The following AP4S1 variants were observed in gnomAD, a reference collection of about 807,000 sequenced individuals.
AP4S1 encodes the protein AP-4 complex subunit sigma-1.
Under a neutral mutation model 19.8 loss-of-function variants are expected in AP4S1, and 23 were observed. That is an observed-to-expected ratio of 1.16 (90% CI 0.84 to 1.65). The LOEUF (loss-of-function observed/expected upper bound fraction) is 1.65, where lower values mean the gene tolerates loss of function less well. Among genes scored for constraint, AP4S1 ranks in the 40% most tolerant of loss-of-function variants. The pLI is 0.00. For synonymous variants in AP4S1, 46 were observed against 54.1 expected, an observed-to-expected ratio of 0.85 and a Z score of 0.66; for missense variants, 166 against 172.8, an observed-to-expected ratio of 0.96 and a Z score of 0.22.
chr14:31,041,768 G>A (rs879298019), intron 1 of AP4S1, among the ~76,000 whole-genome samples: 88 of 152,302 alleles, frequency 5.8e-4, no homozygotes, highest in African/African-American at 1.9e-3. Context: ...TCCCCTTGCA[G>A]GGCTTTTTCT....
At position 31,080,641 on chromosome 14, in the gene AP4S1, T is replaced by C. The variant is rs771062557; in HGVS notation, c.306+57T>C. 13 of 1,611,504 alleles carry C rather than the reference T, an allele frequency of 8.1e-6. No individual in the cohort carries two copies. The Admixed American group carries it at 1.7e-4, about 21-fold the overall frequency. Reference sequence around the variant, plus strand: ...CTTGGCAAATGCACTCTGGTCCTTATCAGGTAAGTACCACAAGGCAGGAAA... The same window carrying C: ...CTTGGCAAATGCACTCTGGTCCTTACCAGGTAAGTACCACAAGGCAGGAAA... On this transcript the variant is annotated intron_variant, in intron 5 of 5. Transcript: ENST00000542754.
chr14:31,025,763 G>T lies in AP4S1; in HGVS notation c.-96G>T. The T allele has an allele frequency of 8.6e-7, 1 of 1,159,936 alleles. No homozygotes were observed. Among genetic ancestry groups the T allele is most frequent in the Non-Finnish European group, 1.2e-6 (1 of 845,408 alleles). 71.9% of individuals were successfully genotyped at this position (1,159,936 alleles called of 1,614,324 possible). ...GGACTCCAGGAAAAGCCGTTGAGAG[G>T]ACCATCACAACCTGAGCAGCACAGG... On this transcript the variant is annotated 5_prime_UTR_variant, in exon 1 of 6. Transcript: ENST00000542754.
chr14:31,053,716 T>G (rs1260191381), intron 1 of AP4S1, among the ~76,000 whole-genome samples: 1 of 146,222 alleles, frequency 6.8e-6, no homozygotes, highest in Non-Finnish European at 1.5e-5. Context: ...ATTGAAGACA[T>G]GAGCTACCAT....
chr14:31,066,939 A>G (rs1332753678), intron 2 of AP4S1, among the ~76,000 whole-genome samples: 1 of 152,258 alleles, frequency 6.6e-6, no homozygotes, highest in East Asian at 1.9e-4. Flanking sequence ...TCCATCTTCC[A>G]AAATGGAGGT....
intron 1 of AP4S1, among the ~76,000 whole-genome samples, chr14:31,062,738 T>C (rs1223211076): frequency 1.4e-5 from 2 of 147,634 alleles, no homozygotes; most frequent in African/African-American, 5.0e-5. Flanking sequence ...GAGGCCAAGG[T>C]AGGCGGATCA....
In AP4S1 at chr14:31,069,933, A is replaced by C. The variant is rs1594686802; in HGVS notation, c.225+4A>C. The C allele has an allele frequency of 6.3e-6, 10 of 1,596,720 alleles. No homozygotes were observed. Among genetic ancestry groups the C allele is most frequent in the Non-Finnish European group, 8.6e-6 (10 of 1,164,160 alleles). On this transcript the variant is annotated splice_donor_region_variant and intron_variant, in intron 3 of 5. Transcript: ENST00000542754. ...GGTTGGAGTTAATGACACTGAGGTA[A>C]GATAATAGAAGAGCCCTTGGAAAAT...
intron 1 of AP4S1, among the ~76,000 whole-genome samples, chr14:31,060,829 A>G (rs75790144): frequency 0.01 from 1,523 of 152,280 alleles, 31 homozygotes; most frequent in African/African-American, 0.034. Context: ...TGACACATGA[A>G]TAAAGGACAT....
intron 4 of AP4S1, among the ~76,000 whole-genome samples, chr14:31,075,766 T>C (rs1459819592): frequency 7.0e-6 from 1 of 143,202 alleles, no homozygotes; most frequent in African/African-American, 2.6e-5. Flanking sequence ...TGAGACGGAG[T>C]GTCGCTGTTG....
At chr14:31,032,760 T>C (rs141324593) in intron 1 of AP4S1, among the ~76,000 whole-genome samples, 2,433 of 152,140 alleles carry the variant, frequency 0.016, 58 homozygotes, top group African/African-American at 0.053. Context: ...GGTCTTGAAC[T>C]CCTGACCTCA....
At position 31,066,124 on chromosome 14, in the gene AP4S1, A is replaced by G. The variant is rs905613754; in HGVS notation, c.-71-2A>G. 1.0e-5 allele frequency: 15 copies of G among 1,465,316 alleles called. No individual in the cohort carries two copies. The highest frequency in any genetic ancestry group is 2.8e-5 in the African/African-American group (2 of 71,390). 90.8% of individuals were successfully genotyped at this position (1,465,316 alleles called of 1,614,324 possible). ...CTGGTTTTGTTTGTTTTTGTCTTCA[A>G]GGTTCCAGTTACAGCCATCCCTTGT... On this transcript the variant is annotated splice_acceptor_variant, in intron 1 of 5. Coordinates refer to ENST00000542754, the MANE Select transcript of AP4S1 (RefSeq NM_001128126.3). LOFTEE classifies it low-confidence loss of function (5UTR_SPLICE).
At chr14:31,034,857 C>G (rs1394772247) in intron 1 of AP4S1, among the ~76,000 whole-genome samples, 1 of 151,556 alleles carries the variant, frequency 6.6e-6, no homozygotes, top group Non-Finnish European at 1.5e-5. Context: ...AAACTCCCGA[C>G]CTCAGGTGAT....
chr14:31,086,598 T>G (rs956992316), intron 5 of AP4S1: 1 of 152,208 alleles, frequency 6.6e-6, no homozygotes, highest in Non-Finnish European at 1.5e-5. Context: ...GTATTTTTAG[T>G]AGAGACGGGG....
At chr14:31,073,223 G>T (rs1265556669) in intron 4 of AP4S1, 6 of 404,502 alleles carry the variant, frequency 1.5e-5, no homozygotes, top group South Asian at 6.7e-5. Flanking sequence ...GGGCGCGATG[G>T]CTCACGCCTG....
At position 31,071,030 on chromosome 14, in the gene AP4S1, C is replaced by T. The variant is rs554840043; in HGVS notation, c.225+1101C>T. ...TTGCGCCACTGGACTCCAGCCTGGG[C>T]GACAGAGTGAGACTCCATCTCAAAA... On this transcript the variant is annotated intron_variant, in intron 3 of 5. Coordinates refer to ENST00000542754, the MANE Select transcript of AP4S1 (RefSeq NM_001128126.3). Among the ~76,000 whole-genome samples the T allele has an allele frequency of 1.3e-3, 194 of 151,694 alleles. 1 individual carries two copies. The highest frequency in any genetic ancestry group is 4.2e-3 in the African/African-American group (175 of 41,352).
intron 1 of AP4S1, 122 bp downstream of exon 1, chr14:31,025,909 G>C: frequency 1.2e-6 from 2 of 1,600,606 alleles, no homozygotes; most frequent in Admixed American, 1.7e-5. Context: ...GGTACCTGCA[G>C]TTCGGCCCGT....
At chr14:31,056,364 T>TC (rs1335794164) in intron 1 of AP4S1, among the ~76,000 whole-genome samples, 3 of 151,714 alleles carry the variant, frequency 2.0e-5, no homozygotes, top group Non-Finnish European at 4.4e-5. Context: ...TTCTTTTCTT[T>TC]CTTTTTTTTT....
chr14:31,085,936 A>C (rs1439935801), intron 5 of AP4S1: 1 of 656,760 alleles, frequency 1.5e-6, no homozygotes. Flanking sequence ...GGGACATAGG[A>C]AGGGCATCAA....
chr14:31,032,486 C>G (rs1275704406), intron 1 of AP4S1, among the ~76,000 whole-genome samples: 3 of 151,432 alleles, frequency 2.0e-5, no homozygotes, highest in Non-Finnish European at 4.4e-5. Flanking sequence ...CCTCTGAGGA[C>G]TGTATAGCTC....
intron 1 of AP4S1, among the ~76,000 whole-genome samples, chr14:31,041,867 G>T (rs1171659970): frequency 3.9e-5 from 6 of 151,936 alleles, no homozygotes; most frequent in African/African-American, 1.2e-4. Flanking sequence ...TTTGATATGG[G>T]GGTCTCACTC....
Sources: gnomAD v4.1 joint callset for allele counts (sites outside exome capture counted in the v4.1 genomes callset) on GRCh38, gnomAD v4.1.1 for gene constraint, MANE v1.5 for transcripts, NCBI Gene and HGNC (gene_info 2026-07-23, HGNC 2026-07-21) for gene names.